SMCHD1: variants seen among roughly 807,000 people sequenced by gnomAD.
The protein encoded by SMCHD1 is structural maintenance of chromosomes flexible hinge domain containing 1.
A neutral mutation model predicts 254.7 loss-of-function variants in SMCHD1; 78 were observed. That is an observed-to-expected ratio of 0.31 (90% CI 0.26 to 0.37). The LOEUF (loss-of-function observed/expected upper bound fraction) is 0.37. Ranked by LOEUF, SMCHD1 falls within the 10% of genes least tolerant of loss-of-function variation. The pLI is 1.00. For missense variants in SMCHD1, 1,840 were observed against 2,408.1 expected (o/e 0.76, Z 4.94); for synonymous variants, 766 against 794.9 (o/e 0.96, Z 0.61).
At chr18:2,685,351 G>T (rs570177963) in intron 5 of SMCHD1, among the ~76,000 whole-genome samples, 2 of 151,790 alleles carry the variant, frequency 1.3e-5, no homozygotes, top group African/African-American at 4.8e-5. Context: ...CGCCCACCTC[G>T]GCCTCCCAAA....
intron 1 of SMCHD1, among the ~76,000 whole-genome samples, chr18:2,658,854 A>ATACACACATGTGTGTG (rs1555623157): frequency 6.6e-6 from 1 of 150,826 alleles, no homozygotes; most frequent in African/African-American, 2.4e-5. Flanking sequence ...GTATATGTAT[A>ATACACACATGTGTGTG]TATACATATA....
chr18:2,716,533 T>A (rs943952512), intron 17 of SMCHD1, among the ~76,000 whole-genome samples: 15 of 151,956 alleles, frequency 9.9e-5, no homozygotes, highest in African/African-American at 3.6e-4. Context: ...CTGAGGCAGG[T>A]AGGGAGGGCA....
chr18:2,784,666 A>C, intron 45 of SMCHD1, 45 bp downstream of exon 45: 1 of 1,483,530 alleles, frequency 6.7e-7, no homozygotes, highest in Non-Finnish European at 9.0e-7. Context: ...ATTTAATTTT[A>C]CTCTTATTTT....
intron 17 of SMCHD1, among the ~76,000 whole-genome samples, chr18:2,708,915 T>TATAC (rs1568199419): frequency 4.4e-5 from 4 of 90,448 alleles, no homozygotes; most frequent in South Asian, 4.3e-4. Flanking sequence ...TATAACATAT[T>TATAC]AACATGAAAT....
intron 5 of SMCHD1, among the ~76,000 whole-genome samples, chr18:2,686,956 T>C (rs1012247372): frequency 3.9e-5 from 6 of 152,284 alleles, no homozygotes; most frequent in Middle Eastern, 3.4e-3. Context: ...TTCTGCTGTT[T>C]TGTTTTCTTG....
chr18:2,760,960 G>T (rs2111681), intron 35 of SMCHD1, among the ~76,000 whole-genome samples: 56 of 152,070 alleles, frequency 3.7e-4, no homozygotes, highest in African/African-American at 1.4e-3. Context: ...AATTTGACCT[G>T]TTACAGGAGT....
At position 2,659,644 on chromosome 18, in the gene SMCHD1, G is replaced by T. The variant is rs758626692; in HGVS notation, c.186+3383G>T. Among the ~76,000 whole-genome samples the T allele has an allele frequency of 1.8e-4, 28 of 151,702 alleles. 1 individual carries two copies. The highest frequency in any genetic ancestry group is 5.9e-5 in the Non-Finnish European group (4 of 67,974). ...CATATCCCCCCACCACCAATTTGAAGAAATTGTCTACATTTTCCTTTGTGT... is the reference window on the plus strand; with the variant it reads ...CATATCCCCCCACCACCAATTTGAATAAATTGTCTACATTTTCCTTTGTGT... On this transcript the variant is annotated intron_variant, in intron 1 of 47. Transcript: ENST00000320876.
At chr18:2,771,487 TG>T in intron 39 of SMCHD1, 45 bp from the exon 40 acceptor site, 1 of 1,358,578 alleles carries the variant, frequency 7.4e-7, no homozygotes, top group Non-Finnish European at 1.0e-6. Flanking sequence ...AACTATGATT[TG>T]GGGGCTATCA....
chr18:2,768,289 TGTTA>T (rs2075907062), intron 37 of SMCHD1, among the ~76,000 whole-genome samples: 2 of 152,020 alleles, frequency 1.3e-5, no homozygotes, highest in African/African-American at 4.8e-5. Context: ...CTCAGGGAGA[TGTTA>T]GTTAAAATAA....
chr18:2,761,508 A>G (rs1263025975), intron 35 of SMCHD1, among the ~76,000 whole-genome samples: 4 of 152,204 alleles, frequency 2.6e-5, no homozygotes, highest in East Asian at 1.9e-4. Context: ...GTTTAAATAC[A>G]CATCTACATA....
intron 45 of SMCHD1, among the ~76,000 whole-genome samples, chr18:2,789,050 C>T (rs1256376325): frequency 6.6e-6 from 1 of 152,044 alleles, no homozygotes; most frequent in African/African-American, 2.4e-5. Context: ...GACAGGGTCT[C>T]ACTTTGTTGC....
At chr18:2,711,703 C>T (rs1169394737) in intron 17 of SMCHD1, among the ~76,000 whole-genome samples, 3 of 151,576 alleles carry the variant, frequency 2.0e-5, no homozygotes, top group East Asian at 3.9e-4. Context: ...GGGATGGTCT[C>T]GATCTCCTGA....
chr18:2,752,254 A>G (rs1283362219), intron 33 of SMCHD1, among the ~76,000 whole-genome samples: 3 of 152,198 alleles, frequency 2.0e-5, no homozygotes, highest in Non-Finnish European at 4.4e-5. Context: ...TAATATCACC[A>G]TAAAGTTCTA....
At position 2,740,837 on chromosome 18, in the gene SMCHD1, A is replaced by G. The variant is rs774744986; in HGVS notation, c.3633+16A>G. On this transcript the variant is annotated intron_variant, in intron 28 of 47. Transcript: ENST00000320876. The stretch of plus-strand genomic sequence containing the variant: ...AACCTTTCAGGTATGGCTACTTTCT[A>G]TACCATTTTGGTTTGATTTATTCAT... The G allele has an allele frequency of 8.1e-6, 12 of 1,486,952 alleles. No individual in the cohort carries two copies. In the East Asian group the frequency reaches 1.6e-4, roughly 20 times the overall value. 92.1% of individuals were successfully genotyped at this position (1,486,952 alleles called of 1,614,324 possible). A position where few individuals can be genotyped will look rare whatever the true frequency, so the allele number is the denominator to read the frequency against.
chr18:2,659,899 C>T (rs2073195876), intron 1 of SMCHD1, among the ~76,000 whole-genome samples: 1 of 152,046 alleles, frequency 6.6e-6, no homozygotes, highest in Non-Finnish European at 1.5e-5. Context: ...TGTGTGCTTT[C>T]TGACTAATCC....
At chr18:2,772,671 C>T (rs988317698) in intron 41 of SMCHD1, among the ~76,000 whole-genome samples, 2 of 152,218 alleles carry the variant, frequency 1.3e-5, no homozygotes, top group Admixed American at 6.5e-5. Flanking sequence ...CAGTCTGTCA[C>T]CCAGGCTGGA....
At chr18:2,798,574 C>G (rs548817424) in intron 47 of SMCHD1, among the ~76,000 whole-genome samples, 2 of 152,230 alleles carry the variant, frequency 1.3e-5, no homozygotes, top group South Asian at 2.1e-4. Flanking sequence ...ACAGAAAGTT[C>G]TTCTTTGTAA....
Position 2,728,567 on chromosome 18 carries a change from G to C in SMCHD1, c.2884G>C (p.Ala962Pro). 1 of 1,612,780 alleles carries C rather than the reference G, an allele frequency of 6.2e-7. No homozygotes were observed. The highest frequency in any genetic ancestry group is 2.2e-5 in the East Asian group (1 of 44,772). ...TTTAGATGAATCAGACAACATAACAGCACAACCAAAATTGATTGTTCATTG... is the reference window on the plus strand; with the variant it reads ...TTTAGATGAATCAGACAACATAACACCACAACCAAAATTGATTGTTCATTG... ...EVLDESDNITAQPKLIVHCKF... is the reference protein window; with the variant it reads ...EVLDESDNITPQPKLIVHCKF... Residue 962 changes from alanine (A) to proline (P), a missense_variant, in exon 23 of 48, where the codon GCA becomes CCA. Ala to Pro is a conservative substitution (Grantham distance 27, BLOSUM62 -1). Coordinates refer to ENST00000320876, the MANE Select transcript of SMCHD1 (RefSeq NM_015295.3).
chr18:2,785,376 C>G (rs62077714), intron 45 of SMCHD1, among the ~76,000 whole-genome samples: 1 of 152,058 alleles, frequency 6.6e-6, no homozygotes, highest in South Asian at 2.1e-4. Flanking sequence ...TGGCCGGGCT[C>G]GATGGCTCAC....
Sources: allele counts gnomAD v4.1 joint callset (sites outside exome capture counted in the v4.1 genomes callset), GRCh38; gene constraint gnomAD v4.1.1; transcripts MANE v1.5; gene names NCBI Gene and HGNC (gene_info 2026-07-23, HGNC 2026-07-21).